Variants in CPM observed in about 807,000 individuals in gnomAD.
CPM encodes the protein carboxypeptidase M.
CPM carries 35 observed loss-of-function variants against 46.4 expected under a neutral mutation model. That is an observed-to-expected ratio of 0.75 (90% CI 0.58 to 1.00). The LOEUF (loss-of-function observed/expected upper bound fraction) is 1.00. Ranked by LOEUF, CPM falls within the 50% of genes least tolerant of loss-of-function variation. The probability of loss-of-function intolerance (pLI) is 0.00; values close to 1 mark genes in which losing one functional copy is unlikely to be tolerated. For missense variants in CPM, 422 were observed against 530.4 expected (o/e 0.80, Z 2.01); for synonymous variants, 195 against 195.3 (o/e 1.00, Z 0.01).
intron 2 of CPM, among the ~76,000 whole-genome samples, chr12:68,903,200 G>T (rs556471722): frequency 6.6e-6 from 1 of 152,314 alleles, no homozygotes; most frequent in East Asian, 1.9e-4. Context: ...CTCAAGCTGT[G>T]CATTTACAGT....
intron 7 of CPM, among the ~76,000 whole-genome samples, chr12:68,864,169 G>T (rs752527376): frequency 1.3e-5 from 2 of 152,196 alleles, no homozygotes; most frequent in Non-Finnish European, 1.5e-5. Context: ...AATGGGCTGG[G>T]CATGGTGGCT....
chr12:68,866,818 T>C, intron 7 of CPM, 78 bp downstream of exon 7: 2 of 1,216,238 alleles, frequency 1.6e-6, no homozygotes, highest in Non-Finnish European at 2.4e-6. Context: ...AATAAAGGCT[T>C]GCGTTTAGTC....
At chr12:68,918,327 C>A (rs1167598660) in intron 2 of CPM, among the ~76,000 whole-genome samples, 2 of 152,094 alleles carry the variant, frequency 1.3e-5, no homozygotes, top group East Asian at 3.8e-4. Context: ...GTTTCAATAC[C>A]ATTTCTATGT....
chr12:68,890,060 G>C (rs762558887), intron 2 of CPM, among the ~76,000 whole-genome samples: 1 of 152,106 alleles, frequency 6.6e-6, no homozygotes, highest in African/African-American at 2.4e-5. Context: ...ACAGCATGTT[G>C]CTTCACACCG....
chr12:68,870,460 G>A (rs2136231031), intron 4 of CPM, 61 bp from the exon 5 acceptor site: 1 of 1,463,940 alleles, frequency 6.8e-7, no homozygotes, highest in Non-Finnish European at 9.4e-7. Flanking sequence ...GATTCTTACA[G>A]TGTCTTGCCC....
Position 68,853,205 on chromosome 12 carries a change from C to CTA in CPM, c.*3230_*3231dup, listed in dbSNP as rs1040246362. The CTA allele has an allele frequency of 6.7e-6, 1 of 149,608 alleles. No individual in the cohort carries two copies. The highest frequency in any genetic ancestry group is 2.6e-5 in the African/African-American group (1 of 39,000). 9.3% of individuals were successfully genotyped at this position (149,608 alleles called of 1,614,324 possible). On this transcript the variant is annotated 3_prime_UTR_variant, in exon 9 of 9. Transcript: ENST00000551568. ...TTTGTTCGTGTCTCTTCAAAAATTG[C>CTA]TATCTTAGAAAAGTTAGAATTCAAT... is the stretch of plus-strand genomic sequence containing the variant.
At chr12:68,873,134 CA>C (rs1371531106) in intron 3 of CPM, among the ~76,000 whole-genome samples, 25 of 152,326 alleles carry the variant, frequency 1.6e-4, no homozygotes, top group African/African-American at 5.8e-4. Flanking sequence ...AATGAGAACT[CA>C]GGGGCAGCAG....
At position 68,942,704 on chromosome 12, in the gene CPM, A is replaced by G. The variant is rs1888784067; in HGVS notation, c.-3-9864T>C. ...AAAAATCTCCACTAAAGAATTTCAC[A>G]TGTTCAAAGAAACCTGTGATCTTTC... On this transcript the variant is annotated intron_variant, in intron 1 of 8. Transcript: ENST00000546373. Among the ~76,000 whole-genome samples, 3 of 152,324 alleles carry G rather than the reference A, an allele frequency of 2.0e-5. No individual in the cohort carries two copies. In the South Asian group the frequency reaches 6.2e-4, roughly 32 times the overall value.
At chr12:68,902,569 TG>T (rs1410631653) in intron 2 of CPM, among the ~76,000 whole-genome samples, 3 of 152,178 alleles carry the variant, frequency 2.0e-5, no homozygotes, top group African/African-American at 7.2e-5. Flanking sequence ...ATTTAAGTGA[TG>T]TCATAATCAT....
chr12:68,945,870 T>TTA (rs1491256582), intron 1 of CPM, among the ~76,000 whole-genome samples: 1 of 139,496 alleles, frequency 7.2e-6, no homozygotes, highest in Admixed American at 7.2e-5. Flanking sequence ...TTTTTTTTTT[T>TTA]GAGACAGTGT....
At chr12:68,889,136 T>C (rs1443373703) in intron 2 of CPM, among the ~76,000 whole-genome samples, 2 of 152,196 alleles carry the variant, frequency 1.3e-5, no homozygotes, top group Non-Finnish European at 2.9e-5. Flanking sequence ...ATTGGGAGGC[T>C]CATTAAAGTT....
At chr12:68,899,353 T>A (rs759428668) in intron 2 of CPM, among the ~76,000 whole-genome samples, 59 of 152,242 alleles carry the variant, frequency 3.9e-4, no homozygotes, top group Non-Finnish European at 5.7e-4. Context: ...GGAAGCCGCA[T>A]GTTGCCATGA....
chr12:68,870,424 G>T, intron 4 of CPM, 25 bp from the exon 5 acceptor site: 1 of 1,599,094 alleles, frequency 6.3e-7, no homozygotes, highest in Non-Finnish European at 8.6e-7. Context: ...ATATTTTAGG[G>T]CTTATTGATA....
chr12:68,876,925 A>T (rs1178735975), intron 3 of CPM, among the ~76,000 whole-genome samples: 3 of 151,552 alleles, frequency 2.0e-5, no homozygotes, highest in African/African-American at 7.3e-5. Flanking sequence ...TGTGTGAGAG[A>T]GAGAGAGAGA....
chr12:68,894,698 A>G, intron 2 of CPM, among the ~76,000 whole-genome samples: 1 of 152,074 alleles, frequency 6.6e-6, no homozygotes, highest in Admixed American at 6.6e-5. Flanking sequence ...GTGGCATCCT[A>G]AGATTTGTCA....
At chr12:68,871,315 G>A (rs1246634242) in intron 4 of CPM, among the ~76,000 whole-genome samples, 1 of 152,164 alleles carries the variant, frequency 6.6e-6, no homozygotes, top group Non-Finnish European at 1.5e-5. Context: ...TGTAGTGGGG[G>A]GAGAGACATG....
rs150600178 is a variant in CPM, at chr12:68,889,593, C to T, written c.161-3704G>A. ...CCTGTAATCCCAGCACTTTGGGAGGCTGAGGTGGGAGGATTACTTGAGGCC... is the reference window on the plus strand; with the variant it reads ...CCTGTAATCCCAGCACTTTGGGAGGTTGAGGTGGGAGGATTACTTGAGGCC... On this transcript the variant is annotated intron_variant, in intron 2 of 8. Coordinates refer to ENST00000551568, the MANE Select transcript of CPM (RefSeq NM_198320.5). Among the ~76,000 whole-genome samples the T allele has an allele frequency of 3.0e-3, 462 of 152,196 alleles. 10 individuals carry two copies. In the East Asian group the frequency reaches 0.049, roughly 16 times the overall value.
chr12:68,882,736 T>G lies in CPM; in HGVS notation c.258+3056A>C, dbSNP rs1264021137. ...TCATCAGCATCTGTTATTTTTTGAC[T>G]TTTTATTAATAGCCATTCTGACTGG... On this transcript the variant is annotated intron_variant, in intron 3 of 8. Coordinates refer to ENST00000551568, the MANE Select transcript of CPM (RefSeq NM_198320.5). 4.6e-5 allele frequency among the ~76,000 whole-genome samples: 7 copies of G among 152,218 alleles called. No homozygotes were observed. The East Asian group carries it at 1.2e-3, about 25-fold the overall frequency.
At chr12:68,951,619 C>T (rs993930421) in intron 1 of CPM, among the ~76,000 whole-genome samples, 1 of 152,112 alleles carries the variant, frequency 6.6e-6, no homozygotes, top group African/African-American at 2.4e-5. Context: ...TTCTCATCAT[C>T]GTTAGGGTTC....
Sources: gnomAD v4.1 joint callset for allele counts (sites outside exome capture counted in the v4.1 genomes callset) on GRCh38, gnomAD v4.1.1 for gene constraint, MANE v1.5 for transcripts, NCBI Gene and HGNC (gene_info 2026-07-23, HGNC 2026-07-21) for gene names.